Variants in GLIS3 observed in about 807,000 individuals in gnomAD.
The protein encoded by GLIS3 is zinc finger protein GLIS3.
Under a neutral mutation model 78.6 loss-of-function variants are expected in GLIS3, and 53 were observed. The ratio of observed to expected loss-of-function variants is 0.67; its 90% confidence interval spans 0.54 to 0.85. The LOEUF (loss-of-function observed/expected upper bound fraction) is 0.85. Ranked by LOEUF, GLIS3 falls within the 40% of genes least tolerant of loss-of-function variation. The probability of loss-of-function intolerance (pLI) is 0.00; values close to 1 mark genes in which losing one functional copy is unlikely to be tolerated. For synonymous variants in GLIS3, 684 were observed against 509.9 expected (o/e 1.34, Z -4.60); for missense variants, 1,703 against 1,231.1 (o/e 1.38, Z -5.74).
intron 6 of GLIS3, among the ~76,000 whole-genome samples, chr9:3,920,268 G>A (rs1283663148): frequency 6.6e-6 from 1 of 152,148 alleles, no homozygotes; most frequent in Non-Finnish European, 1.5e-5. Context: ...CTCCCAAAAT[G>A]CTGGGATTAC....
chr9:4,006,249 C>A (rs1265385045), intron 4 of GLIS3, among the ~76,000 whole-genome samples: 1 of 144,204 alleles, frequency 6.9e-6, no homozygotes, highest in African/African-American at 2.6e-5. Flanking sequence ...AGCATGAGAG[C>A]TCCTTTTACA....
the GLIS3 span, among the ~76,000 whole-genome samples, chr9:4,412,227 G>T: frequency 6.6e-6 from 1 of 152,192 alleles, no homozygotes; most frequent in Admixed American, 6.5e-5. Context: ...ATAGCTTAAT[G>T]CTGTAATATG....
At chr9:4,042,171 C>T (rs1266779296) in intron 4 of GLIS3, among the ~76,000 whole-genome samples, 1 of 151,622 alleles carries the variant, frequency 6.6e-6, no homozygotes, top group Admixed American at 6.6e-5. Context: ...TCAGGAGCTT[C>T]CTGAAGGAAG....
chr9:3,942,121 A>G (rs1815970158), intron 4 of GLIS3, among the ~76,000 whole-genome samples: 1 of 152,236 alleles, frequency 6.6e-6, no homozygotes, highest in Non-Finnish European at 1.5e-5. Context: ...GCATAAGTTC[A>G]TATTCAAAGC....
chr9:4,135,912 T>C (rs1833373168), intron 2 of GLIS3, among the ~76,000 whole-genome samples: 1 of 152,208 alleles, frequency 6.6e-6, no homozygotes, highest in African/African-American at 2.4e-5. Context: ...CTATGTAGTG[T>C]TTTGTCAAAT....
the GLIS3 span, among the ~76,000 whole-genome samples, chr9:4,486,804 C>G: frequency 6.6e-6 from 1 of 152,198 alleles, no homozygotes; most frequent in East Asian, 1.9e-4. Flanking sequence ...ATCCTCTTGC[C>G]TCAGCCTCCC....
Position 4,142,678 on chromosome 9 carries a change from G to A in GLIS3, c.389-16737C>T, listed in dbSNP as rs116663265. Among the ~76,000 whole-genome samples, 610 of 152,170 alleles carry A rather than the reference G, an allele frequency of 4.0e-3. 9 individuals are homozygous for A. The highest frequency in any genetic ancestry group is 0.014 in the African/African-American group (577 of 41,502). On this transcript the variant is annotated intron_variant, in intron 2 of 10. Transcript: ENST00000381971. Reference sequence around the variant, plus strand: ...TTATAATAAATCCCCAAAAGTCATCGGGTAATATTAGCACCTTACAATGGG... The same window carrying A: ...TTATAATAAATCCCCAAAAGTCATCAGGTAATATTAGCACCTTACAATGGG...
At chr9:3,982,899 C>A (rs1425357905) in intron 4 of GLIS3, among the ~76,000 whole-genome samples, 1 of 152,120 alleles carries the variant, frequency 6.6e-6, no homozygotes, top group East Asian at 1.9e-4. Flanking sequence ...TAAATATAAG[C>A]ACAAATGAAG....
chr9:4,404,539 T>C, the GLIS3 span, among the ~76,000 whole-genome samples: 102 of 152,294 alleles, frequency 6.7e-4, no homozygotes, highest in Middle Eastern at 3.4e-3. Context: ...CACATTGGAA[T>C]AAAACTTGAA....
the GLIS3 span, among the ~76,000 whole-genome samples, chr9:4,419,772 T>C: frequency 6.6e-6 from 1 of 152,016 alleles, no homozygotes; most frequent in Non-Finnish European, 1.5e-5. Context: ...AGAATGAGGC[T>C]CTGTCTCAAA....
At chr9:3,999,752 C>G (rs939805061) in intron 4 of GLIS3, among the ~76,000 whole-genome samples, 5 of 152,022 alleles carry the variant, frequency 3.3e-5, no homozygotes, top group East Asian at 1.9e-4. Context: ...TTTCAAGGAC[C>G]TTAATGAGCT....
At chr9:4,407,225 A>G in the GLIS3 span, among the ~76,000 whole-genome samples, 1 of 152,258 alleles carries the variant, frequency 6.6e-6, no homozygotes, top group Admixed American at 6.5e-5. Context: ...GACACTGGGA[A>G]AACTGGATAT....
chr9:4,031,736 C>T (rs756313381), intron 4 of GLIS3, among the ~76,000 whole-genome samples: 4 of 152,128 alleles, frequency 2.6e-5, no homozygotes, highest in Non-Finnish European at 4.4e-5. Context: ...GAAAAAAATA[C>T]TCCTAAAAGT....
At chr9:4,067,926 C>T (rs778139576) in intron 4 of GLIS3, among the ~76,000 whole-genome samples, 2 of 151,830 alleles carry the variant, frequency 1.3e-5, no homozygotes, top group African/African-American at 2.4e-5. Flanking sequence ...GATTATGATG[C>T]AATTATTCAA....
At chr9:4,004,357 G>A (rs1426947095) in intron 4 of GLIS3, among the ~76,000 whole-genome samples, 1 of 152,114 alleles carries the variant, frequency 6.6e-6, no homozygotes, top group Non-Finnish European at 1.5e-5. Flanking sequence ...GGAAGTGATG[G>A]GGCCAGGGAA....
intron 1 of GLIS3, chr9:4,298,545 A>T (rs559900204): frequency 7.5e-5 from 26 of 346,564 alleles, no homozygotes; most frequent in African/African-American, 5.5e-4. Context: ...CGGCTCACTC[A>T]CGCTTTCCAG....
intron 4 of GLIS3, among the ~76,000 whole-genome samples, chr9:4,113,343 T>A (rs571550594): frequency 6.6e-6 from 1 of 152,284 alleles, no homozygotes; most frequent in East Asian, 1.9e-4. Context: ...AAAGCTTCTC[T>A]AGGGTAGGCA....
intron 2 of GLIS3, among the ~76,000 whole-genome samples, chr9:4,240,664 A>G (rs1823214636): frequency 6.6e-6 from 1 of 152,226 alleles, no homozygotes; most frequent in African/African-American, 2.4e-5. Context: ...ATTCAAATAC[A>G]AGTTGGAATC....
At chr9:4,385,810 A>AAAG in the GLIS3 span, among the ~76,000 whole-genome samples, 25 of 41,532 alleles carry the variant, frequency 6.0e-4, no homozygotes, top group African/African-American at 2.0e-3. Context: ...AGAAAGAAAG[A>AAAG]AAAGAAAGAA....
Sources: allele counts gnomAD v4.1 joint callset (sites outside exome capture counted in the v4.1 genomes callset), GRCh38; gene constraint gnomAD v4.1.1; transcripts MANE v1.5; gene names NCBI Gene and HGNC (gene_info 2026-07-23, HGNC 2026-07-21).